The following NT5DC1 variants were observed in gnomAD, a reference collection of about 807,000 sequenced individuals.
NT5DC1 encodes 5'-nucleotidase domain-containing protein 1.
Under a neutral mutation model 59.4 loss-of-function variants are expected in NT5DC1, and 42 were observed. The ratio of observed to expected loss-of-function variants is 0.71; its 90% confidence interval spans 0.55 to 0.92. The LOEUF (loss-of-function observed/expected upper bound fraction) is 0.92. Among genes scored for constraint, NT5DC1 ranks in the 40% least tolerant of loss-of-function variants. The pLI is 0.00. For synonymous variants in NT5DC1, 172 were observed against 188.1 expected (o/e 0.91, Z 0.70); for missense variants, 501 against 537.1 (o/e 0.93, Z 0.66).
chr6:116,157,700 C>T (rs1457359442), intron 6 of NT5DC1, among the ~76,000 whole-genome samples: 1 of 152,092 alleles, frequency 6.6e-6, no homozygotes, highest in Non-Finnish European at 1.5e-5. Context: ...AGAATAAAAA[C>T]AGTTGAACTA....
intron 6 of NT5DC1, among the ~76,000 whole-genome samples, chr6:116,160,838 T>G (rs1332803054): frequency 1.3e-5 from 2 of 152,218 alleles, no homozygotes; most frequent in Non-Finnish European, 2.9e-5. Flanking sequence ...ATCCCATTAC[T>G]GGGTATATAC....
chr6:116,198,423 C>T (rs1781280364), intron 6 of NT5DC1, among the ~76,000 whole-genome samples: 1 of 151,936 alleles, frequency 6.6e-6, no homozygotes, highest in Admixed American at 6.6e-5. Flanking sequence ...TTCTTCTATT[C>T]GTCCCATACA....
chr6:116,238,091 C>A, intron 9 of NT5DC1, 96 bp from the exon 10 acceptor site: 1 of 824,352 alleles, frequency 1.2e-6, no homozygotes, highest in Non-Finnish European at 1.9e-6. Flanking sequence ...TTGTCATACT[C>A]TGATGCCTGT....
chr6:116,223,861 G>A (rs866698885), intron 8 of NT5DC1, among the ~76,000 whole-genome samples: 4 of 152,048 alleles, frequency 2.6e-5, no homozygotes, highest in African/African-American at 9.7e-5. Flanking sequence ...CAGGATGGTT[G>A]GAAATTGAAA....
rs1782178233 is a variant in NT5DC1, at chr6:116,239,100, T to C, written c.1229T>C (p.Ile410Thr). Residue 410 changes from isoleucine (I) to threonine (T), a missense_variant, in exon 11 of 12, where the codon ATT (isoleucine) becomes ACT (threonine). Physicochemically the swap from Ile to Thr is moderately conservative, Grantham distance 89. Coordinates refer to ENST00000319550, the MANE Select transcript of NT5DC1 (RefSeq NM_152729.3). ...KRISTYSTIA[I>T]PSIEAIAELP... ...ATCAGTACTTACAGCACTATTGCAA[T>C]TCCAAGTATTGAAGCAATCGCAGGT... 6.2e-7 allele frequency: 1 copy of C among 1,611,880 alleles called. No homozygotes were observed. Among genetic ancestry groups the C allele is most frequent in the African/African-American group, 1.3e-5 (1 of 74,962 alleles).
chr6:116,173,857 A>G (rs912478338), intron 6 of NT5DC1, among the ~76,000 whole-genome samples: 1 of 152,128 alleles, frequency 6.6e-6, no homozygotes, highest in African/African-American at 2.4e-5. Context: ...AACTAACCAC[A>G]AGACTTCATT....
intron 6 of NT5DC1, among the ~76,000 whole-genome samples, chr6:116,187,485 G>GT (rs771310878): frequency 2.0e-4 from 31 of 152,098 alleles, no homozygotes; most frequent in Admixed American, 9.8e-4. Context: ...TAAAGTTACA[G>GT]TAATTTGGTC....
At position 116,100,941 on chromosome 6, in the gene NT5DC1, A is replaced by G. The variant is rs1444762910; in HGVS notation, c.11A>G (p.His4Arg). 7 of 1,603,188 alleles carry G rather than the reference A, an allele frequency of 4.4e-6. No individual in the cohort carries two copies. The highest frequency in any genetic ancestry group is 5.1e-6 in the Non-Finnish European group (6 of 1,176,176). Residue 4 changes from histidine (H) to arginine (R), a missense_variant, in exon 1 of 12, where the codon CAC becomes CGC. His to Arg is a conservative substitution (Grantham distance 29). Transcript: ENST00000319550. ...GCTCCCCGCGCAGCCATGGCTCAGC[A>G]CTTCTCCCTGGCCGCCTGCGACGTG... MAQHFSLAACDVVG... is the reference protein window; with the variant it reads MAQRFSLAACDVVG...
chr6:116,244,813 A>C lies in NT5DC1; in HGVS notation c.*789A>C, dbSNP rs1771810434. On this transcript the variant is annotated 3_prime_UTR_variant, in exon 12 of 12. Transcript: ENST00000319550. ...GATGATCTAGAAGTCAACTATCTCA[A>C]CCTCCATTGTTACCCACTAGGTTTT... 6.6e-6 allele frequency: 1 copy of C among 152,286 alleles called. No homozygotes were observed. The highest frequency in any genetic ancestry group is 6.5e-5 in the Admixed American group (1 of 15,302). The allele number at this position is 152,286 out of a possible 1,614,324, so 9.4% of individuals were successfully genotyped here. A position where few individuals can be genotyped will look rare whatever the true frequency, so the allele number is the denominator to read the frequency against.
chr6:116,201,926 A>T (rs893281488), intron 6 of NT5DC1, among the ~76,000 whole-genome samples: 10 of 151,994 alleles, frequency 6.6e-5, no homozygotes, highest in African/African-American at 2.4e-4. Flanking sequence ...TTATGCACCT[A>T]CAGCTGATAA....
chr6:116,243,220 C>T (rs1771770894), intron 11 of NT5DC1, among the ~76,000 whole-genome samples: 1 of 152,128 alleles, frequency 6.6e-6, no homozygotes, highest in Non-Finnish European at 1.5e-5. Flanking sequence ...TTCTTAGTAA[C>T]CCTCATCCTG....
chr6:116,122,082 G>A, intron 6 of NT5DC1: 1 of 911,394 alleles, frequency 1.1e-6, no homozygotes, highest in Non-Finnish European at 1.8e-6. Flanking sequence ...ATTCCATGTA[G>A]ACAGAACAGT....
intron 6 of NT5DC1, among the ~76,000 whole-genome samples, chr6:116,182,895 T>C (rs1032107730): frequency 6.6e-6 from 1 of 151,958 alleles, no homozygotes; most frequent in Non-Finnish European, 1.5e-5. Flanking sequence ...CCCATCTATT[T>C]ATCTTTGCTT....
chr6:116,117,188 T>C (rs1036944535), intron 5 of NT5DC1, among the ~76,000 whole-genome samples: 1 of 152,232 alleles, frequency 6.6e-6, no homozygotes, highest in Non-Finnish European at 1.5e-5. Context: ...TCCCAGAAAT[T>C]ATATAACACT....
intron 6 of NT5DC1, among the ~76,000 whole-genome samples, chr6:116,133,955 T>A (rs1779528868): frequency 6.6e-6 from 1 of 152,236 alleles, no homozygotes; most frequent in Non-Finnish European, 1.5e-5. Context: ...TTATTAGTGC[T>A]GAAATTCTTA....
At chr6:116,221,621 C>T (rs572926171) in intron 7 of NT5DC1, among the ~76,000 whole-genome samples, 25 of 152,212 alleles carry the variant, frequency 1.6e-4, no homozygotes, top group Admixed American at 4.6e-4. Flanking sequence ...CATTTCCGTG[C>T]GGAGCCATGT....
At chr6:116,234,215 C>G (rs536831109) in intron 8 of NT5DC1, among the ~76,000 whole-genome samples, 1 of 151,958 alleles carries the variant, frequency 6.6e-6, no homozygotes, top group Non-Finnish European at 1.5e-5. Context: ...CTGCCTCAGC[C>G]TCCCAAAGTG....
intron 6 of NT5DC1, among the ~76,000 whole-genome samples, chr6:116,196,686 C>A (rs1582867652): frequency 1.3e-5 from 2 of 151,958 alleles, no homozygotes; most frequent in South Asian, 4.1e-4. Context: ...ATTTTATGAG[C>A]ATTTCACCAG....
intron 6 of NT5DC1, among the ~76,000 whole-genome samples, chr6:116,178,078 TGTGTGTGTGTGC>T (rs1185156537): frequency 2.1e-4 from 23 of 111,310 alleles, no homozygotes; most frequent in South Asian, 8.1e-4. Context: ...TGTGTGTGTG[TGTGTGTGTGTGC>T]GCGCGCGCGC....
Sources: allele counts gnomAD v4.1 joint callset (sites outside exome capture counted in the v4.1 genomes callset), GRCh38; gene constraint gnomAD v4.1.1; transcripts MANE v1.5; gene names NCBI Gene and HGNC (gene_info 2026-07-23, HGNC 2026-07-21).